Variants in CLCA4 observed in about 807,000 individuals in gnomAD.
The protein encoded by CLCA4 is chloride channel accessory 4.
In CLCA4, 69 loss-of-function variants were observed where a neutral mutation model predicts 78.9. The ratio of observed to expected loss-of-function variants is 0.87; its 90% CI spans 0.72 to 1.07. CLCA4 has a LOEUF of 1.07. Ranked by LOEUF, CLCA4 falls within the 50% of genes least tolerant of loss-of-function variation. The pLI, the probability that CLCA4 is intolerant of heterozygous loss-of-function variation, is 0.00. For missense variants in CLCA4, 1,133 were observed against 1,095.8 expected, an observed-to-expected ratio of 1.03 and a Z score of -0.48; for synonymous variants, 362 against 375.8, an observed-to-expected ratio of 0.96 and a Z score of 0.42.
At chr1:86,564,415 G>C (rs1650117263) in intron 4 of CLCA4, among the ~76,000 whole-genome samples, 1 of 152,040 alleles carries the variant, frequency 6.6e-6, no homozygotes, top group Non-Finnish European at 1.5e-5. Flanking sequence ...CCAATTTTCA[G>C]GCACATCTTT....
At chr1:86,577,084 A>G (rs12094466) in intron 11 of CLCA4, among the ~76,000 whole-genome samples, 6,044 of 152,154 alleles carry the variant, frequency 0.04, 396 homozygotes, top group African/African-American at 0.14. Flanking sequence ...GTGTACCTCA[A>G]TGCCTTCTTC....
At chr1:86,557,599 C>T (rs1478932742) in intron 1 of CLCA4, among the ~76,000 whole-genome samples, 1 of 152,010 alleles carries the variant, frequency 6.6e-6, no homozygotes, top group African/African-American at 2.4e-5. Context: ...GATTTCAGTT[C>T]TTTTGCATTT....
chr1:86,572,512 A>T (rs1412845804), intron 8 of CLCA4, 102 bp from the exon 9 acceptor site: 12 of 695,254 alleles, frequency 1.7e-5, no homozygotes, highest in Non-Finnish European at 2.5e-5. Flanking sequence ...TTAATAACAC[A>T]TACTGAAACT....
At chr1:86,552,676 G>T in intron 1 of CLCA4, 1 of 985,410 alleles carries the variant, frequency 1.0e-6, no homozygotes. Flanking sequence ...CGGACTTGCA[G>T]ATGGAGCTGG....
chr1:86,564,232 C>G (rs1335737628), intron 4 of CLCA4, among the ~76,000 whole-genome samples: 1 of 152,078 alleles, frequency 6.6e-6, no homozygotes, highest in Non-Finnish European at 1.5e-5. Flanking sequence ...ATAAACTCTC[C>G]TTTTGATTCT....
chr1:86,565,204 G>T, intron 4 of CLCA4, 70 bp from the exon 5 acceptor site: 2 of 1,082,038 alleles, frequency 1.8e-6, no homozygotes, highest in South Asian at 1.6e-5. Context: ...ATCATGAATA[G>T]AACCACTTAA....
At position 86,580,433 on chromosome 1, in the gene CLCA4, T is replaced by A; in HGVS notation, c.*88T>A. The A allele has an allele frequency of 1.9e-6, 2 of 1,040,078 alleles. No individual in the cohort carries two copies. The highest frequency in any genetic ancestry group is 2.7e-6 in the Non-Finnish European group (2 of 753,688). 64.4% of individuals were successfully genotyped at this position (1,040,078 alleles called of 1,614,324 possible). ...GTAAGTAAAGGATATTTCTGAATCT[T>A]AAAATTCATCCCATGTGTGATCATA... On this transcript the variant is annotated 3_prime_UTR_variant, in exon 14 of 14. Coordinates refer to ENST00000370563, the MANE Select transcript of CLCA4 (RefSeq NM_012128.4).
At chr1:86,570,522 G>T (rs1473077108) in intron 7 of CLCA4, among the ~76,000 whole-genome samples, 1 of 151,962 alleles carries the variant, frequency 6.6e-6, no homozygotes, top group Non-Finnish European at 1.5e-5. Context: ...GTTATTATTA[G>T]AAGTAAATGA....
At chr1:86,567,720 C>A in intron 7 of CLCA4, 69 bp downstream of exon 7, 2 of 1,207,388 alleles carry the variant, frequency 1.7e-6, no homozygotes, top group Non-Finnish European at 2.4e-6. Flanking sequence ...TTAAGTGGTA[C>A]TGCACATGCT....
intron 7 of CLCA4, among the ~76,000 whole-genome samples, chr1:86,569,168 A>C (rs767231673): frequency 6.6e-6 from 1 of 152,078 alleles, no homozygotes; most frequent in African/African-American, 2.4e-5. Flanking sequence ...TAGTGTTGTG[A>C]ATAAACGAAA....
In CLCA4 at chr1:86,579,587, G is replaced by A. The variant is rs1650643368; in HGVS notation, c.2356G>A (p.Val786Ile). The A allele has an allele frequency of 2.5e-6, 4 of 1,605,360 alleles. No homozygotes were observed. The highest frequency in any genetic ancestry group is 2.6e-6 in the Non-Finnish European group (3 of 1,174,432). The stretch of plus-strand genomic sequence containing the variant: ...AGGAGATAATTTTGATGTTGGAAAA[G>A]GTAAGGATGAAGTGTCATGTGATTT... The part of the protein sequence containing the change: ...APGDNFDVGK[V>I]QRYIIRISAS... The change falls in exon 13 of 14, where the codon GTT becomes ATT. Residue 786 changes from valine to isoleucine, a missense_variant and splice_region_variant. By Grantham distance (29) the Val-to-Ile change is conservative. Transcript: ENST00000370563.
intron 1 of CLCA4, among the ~76,000 whole-genome samples, chr1:86,548,684 GAAAAAAAAAAAAA>G (rs10615856): frequency 1.1e-5 from 1 of 94,150 alleles, no homozygotes. Flanking sequence ...TCCCTCTCTG[GAAAAAAAAAAAAA>G]AAAAAAAAAG....
Position 86,580,081 on chromosome 1 carries a change from T to C in CLCA4, c.2496T>C (p.Asn832=). 30 of 1,612,964 alleles carry C rather than the reference T, an allele frequency of 1.9e-5. No individual in the cohort carries two copies. The highest frequency in any genetic ancestry group is 2.5e-5 in the Non-Finnish European group (30 of 1,179,446). ...SKESFAFKPE[N]ISEENATHIF... ...AAAGCTTTGCATTTAAACCAGAAAATATCTCAGAAGAAAATGCAACCCACA... is the reference window on the plus strand; with the variant it reads ...AAAGCTTTGCATTTAAACCAGAAAACATCTCAGAAGAAAATGCAACCCACA... Residue 832 remains asparagine (N), a synonymous_variant, in exon 14 of 14, where the codon AAT becomes AAC. Coordinates refer to ENST00000370563, the MANE Select transcript of CLCA4 (RefSeq NM_012128.4).
chr1:86,571,411 G>A (rs1206533139), intron 8 of CLCA4, 157 bp downstream of exon 8: 2 of 571,768 alleles, frequency 3.5e-6, no homozygotes, highest in South Asian at 2.9e-5. Context: ...CCAGTTGGCT[G>A]GAGAGACAAA....
At chr1:86,549,596 C>T (rs115237218) in intron 1 of CLCA4, among the ~76,000 whole-genome samples, 18 of 152,098 alleles carry the variant, frequency 1.2e-4, no homozygotes, top group African/African-American at 4.3e-4. Context: ...TGCAGGTGGG[C>T]AGTGATGGTG....
At chr1:86,579,854 G>A in intron 13 of CLCA4, 88 bp from the exon 14 acceptor site, 1 of 938,230 alleles carries the variant, frequency 1.1e-6, no homozygotes, top group Non-Finnish European at 1.6e-6. Context: ...TATCTGCTTT[G>A]CATAACTAGA....
intron 8 of CLCA4, among the ~76,000 whole-genome samples, chr1:86,571,851 G>T (rs1186730410): frequency 6.6e-6 from 1 of 151,984 alleles, no homozygotes; most frequent in Non-Finnish European, 1.5e-5. Context: ...GATGAAAATG[G>T]ATTACGTGTT....
chr1:86,557,934 C>T (rs1017657104), intron 1 of CLCA4, among the ~76,000 whole-genome samples: 6 of 151,380 alleles, frequency 4.0e-5, no homozygotes, highest in Admixed American at 1.3e-4. Context: ...TTTACCATTA[C>T]GTAATGCCCT....
chr1:86,553,706 G>T (rs1382710627), intron 1 of CLCA4, among the ~76,000 whole-genome samples: 1 of 152,180 alleles, frequency 6.6e-6, no homozygotes, highest in African/African-American at 2.4e-5. Flanking sequence ...AGGCTGAGGC[G>T]GGTGGATCAC....
Sources: allele counts gnomAD v4.1 joint callset (sites outside exome capture counted in the v4.1 genomes callset), GRCh38; gene constraint gnomAD v4.1.1; transcripts MANE v1.5; gene names NCBI Gene and HGNC (gene_info 2026-07-23, HGNC 2026-07-21).